Variants in SYK observed in about 807,000 individuals in gnomAD.
SYK encodes spleen associated tyrosine kinase.
SYK carries 16 observed loss-of-function variants against 77.8 expected under a neutral mutation model. The ratio of observed to expected loss-of-function variants is 0.21; its 90% CI spans 0.14 to 0.31. The LOEUF is 0.31. Among genes scored for constraint, SYK ranks in the 10% least tolerant of loss-of-function variants. The pLI is 1.00. For missense variants in SYK, 529 were observed against 814.4 expected (o/e 0.65, Z 4.26); for synonymous variants, 312 against 308.7 (o/e 1.01, Z -0.11).
In SYK at chr9:90,877,727, G is replaced by A. The variant is rs2290887; in HGVS notation, c.1338G>A (p.Leu446=). ...IGICEAESWM[L]VMEMAELGPL... ...TATGCGAGGCCGAGTCCTGGATGCT[G>A]GTTATGGAGATGGCAGAACTTGGTC... The change falls in exon 10 of 14, where the codon CTG becomes CTA. Residue 446 remains leucine, a synonymous_variant. Coordinates refer to ENST00000375754, the MANE Select transcript of SYK (RefSeq NM_003177.7). 0.16 allele frequency: 253,736 copies of A among 1,613,990 alleles called. 22,593 individuals carry two copies. Among genetic ancestry groups the A allele is most frequent in the Admixed American group, 0.38 (22,719 of 60,020 alleles).
At chr9:90,823,536 A>G (rs1208341721) in intron 1 of SYK, among the ~76,000 whole-genome samples, 1 of 152,192 alleles carries the variant, frequency 6.6e-6, no homozygotes, top group Non-Finnish European at 1.5e-5. Context: ...ACGTCATACC[A>G]ATTATGTTCT....
At chr9:90,850,715 A>C (rs1826789015) in intron 3 of SYK, among the ~76,000 whole-genome samples, 2 of 151,624 alleles carry the variant, frequency 1.3e-5, no homozygotes, top group Admixed American at 1.3e-4. Context: ...CCAGCATTTC[A>C]GTCTGAGAAT....
intron 7 of SYK, among the ~76,000 whole-genome samples, chr9:90,872,155 G>A (rs772641645): frequency 7.2e-5 from 11 of 152,176 alleles, no homozygotes; most frequent in Non-Finnish European, 1.3e-4. Context: ...TCAGGGAATT[G>A]CGTTCTGGTT....
intron 1 of SYK, among the ~76,000 whole-genome samples, chr9:90,820,630 C>T (rs893664304): frequency 2.0e-5 from 3 of 151,996 alleles, no homozygotes; most frequent in Non-Finnish European, 4.4e-5. Flanking sequence ...GACCCTGGGC[C>T]CAGGCCACGA....
intron 1 of SYK, among the ~76,000 whole-genome samples, chr9:90,833,688 T>C (rs997645063): frequency 2.0e-5 from 3 of 152,246 alleles, no homozygotes; most frequent in African/African-American, 7.2e-5. Context: ...GATCTATTGC[T>C]CTTCATCTAT....
In SYK at chr9:90,862,653, T is replaced by C. The variant is rs139779055; in HGVS notation, c.717+309T>C. On this transcript the variant is annotated intron_variant, in intron 4 of 13. Coordinates refer to ENST00000375754, the MANE Select transcript of SYK (RefSeq NM_003177.7). Reference sequence around the variant, plus strand: ...TTGTTCAGGGCCACTCAGCCCTCAGTGCCACAAGGTGATGTAAGTGCAGGG... The same window carrying C: ...TTGTTCAGGGCCACTCAGCCCTCAGCGCCACAAGGTGATGTAAGTGCAGGG... Among the ~76,000 whole-genome samples, 622 of 152,322 alleles carry C rather than the reference T, an allele frequency of 4.1e-3. 4 individuals carry two copies. Among genetic ancestry groups the C allele is most frequent in the Non-Finnish European group, 7.0e-3 (478 of 68,028 alleles).
chr9:90,817,872 TGTGTGTGTGTGAGA>T (rs1420478933), intron 1 of SYK, among the ~76,000 whole-genome samples: 2 of 31,964 alleles, frequency 6.3e-5, no homozygotes, highest in African/African-American at 2.0e-4. Context: ...TGTGTGTGTG[TGTGTGTGTGTGAGA>T]GAGAGAGAGA....
chr9:90,817,204 G>T (rs1220409581), intron 1 of SYK, among the ~76,000 whole-genome samples: 1 of 152,134 alleles, frequency 6.6e-6, no homozygotes, highest in Non-Finnish European at 1.5e-5. Flanking sequence ...GCACATCCCT[G>T]CTCTAGAGGT....
At chr9:90,842,451 G>T (rs957426505) in intron 1 of SYK, among the ~76,000 whole-genome samples, 48 of 150,960 alleles carry the variant, frequency 3.2e-4, no homozygotes, top group Non-Finnish European at 6.2e-4. Flanking sequence ...TGGTGTGTGC[G>T]GTGTGTTTCA....
chr9:90,825,697 T>A (rs1002594625), intron 1 of SYK, among the ~76,000 whole-genome samples: 4 of 152,014 alleles, frequency 2.6e-5, no homozygotes, highest in African/African-American at 7.2e-5. Context: ...GCTTAGAACA[T>A]GTAGGAAGGG....
chr9:90,801,885 C>T lies in SYK; in HGVS notation c.-50C>T, dbSNP rs142604132. Reference sequence around the variant, plus strand: ...CGCGCTGCGCCCGCCCTCGCCTCACCTGGCGCAGGTAGGTGTGGCCGCGTC... The same window carrying T: ...CGCGCTGCGCCCGCCCTCGCCTCACTTGGCGCAGGTAGGTGTGGCCGCGTC... On this transcript the variant is annotated 5_prime_UTR_variant, in exon 1 of 14. Coordinates refer to ENST00000375754, the MANE Select transcript of SYK (RefSeq NM_003177.7). 1,549 of 152,646 alleles carry T rather than the reference C, an allele frequency of 0.01. 19 individuals are homozygous for T. The highest frequency in any genetic ancestry group is 0.065 in the Middle Eastern group (19 of 292). The allele number at this position is 152,646 out of a possible 1,614,324, so 9.5% of individuals were successfully genotyped here. A position where few individuals can be genotyped will look rare whatever the true frequency, so the allele number is the denominator to read the frequency against.
At chr9:90,824,997 A>G (rs1587823642) in intron 1 of SYK, among the ~76,000 whole-genome samples, 2 of 152,130 alleles carry the variant, frequency 1.3e-5, no homozygotes, top group East Asian at 3.8e-4. Context: ...TCTAATAACC[A>G]ATAAGTGAGT....
intron 11 of SYK, among the ~76,000 whole-genome samples, chr9:90,885,006 A>T (rs1276114946): frequency 6.7e-6 from 1 of 148,844 alleles, no homozygotes; most frequent in Non-Finnish European, 1.5e-5. Context: ...CCAACAACAT[A>T]TATATATTTT....
chr9:90,855,011 T>TACACACACACACACACACACACAC (rs55839931), intron 3 of SYK, among the ~76,000 whole-genome samples: 17 of 143,412 alleles, frequency 1.2e-4, no homozygotes, highest in African/African-American at 3.6e-4. Context: ...CACACATACA[T>TACACACACACACACACACACACAC]ACACACACAC....
At chr9:90,856,587 AGTTCT>A (rs776499282) in intron 3 of SYK, among the ~76,000 whole-genome samples, 7 of 128,602 alleles carry the variant, frequency 5.4e-5, no homozygotes, top group Non-Finnish European at 1.1e-4. Context: ...AATTTCTAGC[AGTTCT>A]GTTTGTTTGT....
chr9:90,822,979 G>A (rs1368065726), intron 1 of SYK, among the ~76,000 whole-genome samples: 1 of 152,236 alleles, frequency 6.6e-6, no homozygotes, highest in Non-Finnish European at 1.5e-5. Context: ...GGAGGGAAGA[G>A]TGATAACTGT....
chr9:90,844,265 T>A lies in SYK; in HGVS notation c.367T>A (p.Leu123Met), dbSNP rs1466207265. 3 of 1,613,844 alleles carry A rather than the reference T, an allele frequency of 1.9e-6. No individual in the cohort carries two copies. Among genetic ancestry groups the A allele is most frequent in the African/African-American group, 1.3e-5 (1 of 75,054 alleles). The change falls in exon 2 of 14, where the codon TTG becomes ATG. Residue 123 changes from leucine (L) to methionine (M), a missense_variant. Leu to Met is a conservative substitution (Grantham distance 15). Around this residue, in one of 2 missense-constraint regions of SYK, gnomAD observed 321 missense variants for 433.1 expected, o/e 0.74. Transcript: ENST00000375754. Reference protein sequence around the residue: ...VQPKTGPFEDLKENLIREYVK... With the variant: ...VQPKTGPFEDMKENLIREYVK... ...GCCCAAGACTGGGCCCTTTGAGGAT[T>A]TGAAGGAAAACCTCATCAGGGAATA... is the stretch of plus-strand genomic sequence containing the variant.
chr9:90,815,622 C>A (rs1474672321), intron 1 of SYK, among the ~76,000 whole-genome samples: 1 of 152,256 alleles, frequency 6.6e-6, no homozygotes, highest in South Asian at 2.1e-4. Flanking sequence ...CTGCAAAAGG[C>A]GCGATCAAGA....
intron 7 of SYK, among the ~76,000 whole-genome samples, chr9:90,871,259 A>G (rs1415821594): frequency 6.6e-6 from 1 of 152,246 alleles, no homozygotes; most frequent in Non-Finnish European, 1.5e-5. Context: ...TGTTCTGAGT[A>G]TTAGCAAAAA....
Sources: allele counts gnomAD v4.1 joint callset (sites outside exome capture counted in the v4.1 genomes callset), GRCh38; gene constraint gnomAD v4.1.1; regional missense constraint gnomAD v4.1.1; transcripts MANE v1.5; gene names NCBI Gene and HGNC (gene_info 2026-07-23, HGNC 2026-07-21).